The following FER variants were observed in gnomAD, a reference collection of about 807,000 sequenced individuals.
FER encodes tyrosine-protein kinase Fer.
FER carries 63 observed loss-of-function variants against 111.0 expected under a neutral mutation model. The observed-to-expected ratio is 0.57, with a 90% CI of 0.46 to 0.70. The LOEUF is 0.70. Among genes scored for constraint, FER ranks in the 30% least tolerant of loss-of-function variants. The pLI is 0.00. For synonymous variants in FER, 327 were observed against 313.9 expected (o/e 1.04, Z -0.44); for missense variants, 914 against 954.0 (o/e 0.96, Z 0.55).
rs59092426 is a variant in FER at position 109,139,350 on chromosome 5, C to CTT, written c.2048+38848_2048+38849dup. ...TGTCTTTACTTCTCCTTCTTTCTTT[C>CTT]TTTTTTTTTTTTTTTTTTGAGGCAG... On this transcript the variant is annotated intron_variant, in intron 17 of 19. Transcript: ENST00000281092. Among the ~76,000 whole-genome samples, 100 of 91,078 alleles carry CTT rather than the reference C, an allele frequency of 1.1e-3. 2 individuals carry two copies. The highest frequency in any genetic ancestry group is 3.6e-3 in the African/African-American group (81 of 22,696). 59.8% of individuals were successfully genotyped at this position (91,078 alleles called of 152,430 possible). A position where few individuals can be genotyped will look rare whatever the true frequency, so the allele number is the denominator to read the frequency against.
At chr5:109,003,361 C>T (rs1242408899) in intron 13 of FER, among the ~76,000 whole-genome samples, 1 of 152,128 alleles carries the variant, frequency 6.6e-6, no homozygotes, top group African/African-American at 2.4e-5. Context: ...CAGACTATCA[C>T]AAGGACAAAA....
chr5:108,940,185 A>G lies in FER; in HGVS notation c.1237-5945A>G, dbSNP rs534328531. Among the ~76,000 whole-genome samples the G allele has an allele frequency of 2.0e-5, 3 of 152,258 alleles. No homozygotes were observed. In the South Asian group the frequency reaches 6.2e-4, roughly 31 times the overall value. On this transcript the variant is annotated intron_variant, in intron 10 of 19. Coordinates refer to ENST00000281092, the MANE Select transcript of FER (RefSeq NM_005246.4). ...GGAATGTAGCCTTTAACTGTGTAGT[A>G]ATTGACTGTCATAGAAAATGGTAGT...
intron 17 of FER, among the ~76,000 whole-genome samples, chr5:109,152,624 A>G (rs1003336532): frequency 2.6e-5 from 4 of 152,174 alleles, no homozygotes; most frequent in Admixed American, 2.6e-4. Context: ...TATAAAACAA[A>G]TATAATCAGA....
In FER at chr5:108,966,492, A is replaced by G. The variant is rs1056416574; in HGVS notation, c.1656+7145A>G. Among the ~76,000 whole-genome samples, 8 of 150,926 alleles carry G rather than the reference A, an allele frequency of 5.3e-5. No individual in the cohort carries two copies. The South Asian group carries it at 6.3e-4, about 12-fold the overall frequency. ...AACCTCCACCTCCTGGGTTCAAGCA[A>G]TTCTCCTGCCTCAGCCTCCTGAGTA... On this transcript the variant is annotated intron_variant, in intron 13 of 19. Transcript: ENST00000281092.
chr5:108,841,152 C>T (rs1761226241), intron 5 of FER, among the ~76,000 whole-genome samples: 1 of 152,172 alleles, frequency 6.6e-6, no homozygotes, highest in Non-Finnish European at 1.5e-5. Context: ...AAGTCATGAA[C>T]CCTTTAAGGT....
At chr5:108,793,514 C>T (rs554057133) in intron 2 of FER, among the ~76,000 whole-genome samples, 187 of 87,628 alleles carry the variant, frequency 2.1e-3, no homozygotes, top group Middle Eastern at 6.5e-3. Flanking sequence ...TTTTTTTTGG[C>T]GGGGCGGGGG....
At chr5:108,976,056 C>T (rs977198003) in intron 13 of FER, among the ~76,000 whole-genome samples, 1 of 152,016 alleles carries the variant, frequency 6.6e-6, no homozygotes, top group Non-Finnish European at 1.5e-5. Context: ...ATGGGAGTCA[C>T]CAATATGTAG....
intron 8 of FER, among the ~76,000 whole-genome samples, chr5:108,880,245 T>G (rs1481475548): frequency 2.0e-5 from 3 of 152,118 alleles, no homozygotes; most frequent in African/African-American, 7.2e-5. Context: ...AAGGGAAATG[T>G]GCAGGGAAGA....
chr5:108,953,376 C>G (rs1351457059), intron 11 of FER, among the ~76,000 whole-genome samples: 2 of 151,772 alleles, frequency 1.3e-5, no homozygotes, highest in African/African-American at 4.8e-5. Context: ...AATTAAAAGA[C>G]TTAGTTTACC....
At chr5:109,043,006 G>GATC (rs1388100289) in intron 14 of FER, among the ~76,000 whole-genome samples, 3 of 152,172 alleles carry the variant, frequency 2.0e-5, no homozygotes, top group East Asian at 1.9e-4. Flanking sequence ...TTGGAGAAGT[G>GATC]AGGGACTGAA....
Position 109,044,724 on chromosome 5 carries a change from T to C in FER, c.1758T>C (p.Thr586=). 1 of 1,589,424 alleles carries C rather than the reference T, an allele frequency of 6.3e-7. No homozygotes were observed. Among genetic ancestry groups the C allele is most frequent in the East Asian group, 2.3e-5 (1 of 44,158 alleles). Residue 586 remains threonine, a synonymous_variant, in exon 15 of 20, where the codon ACT becomes ACC. Transcript: ENST00000281092. ...EVYKGTLKDK[T]SVAVKTCKED... ...ATAAGGGCACATTAAAGGATAAAAC[T>C]TCTGTTGCTGTTAAAACATGTAAAG...
At chr5:109,029,604 A>C (rs1298968144) in intron 13 of FER, among the ~76,000 whole-genome samples, 2 of 151,844 alleles carry the variant, frequency 1.3e-5, no homozygotes, top group Non-Finnish European at 2.9e-5. Context: ...TACCACATTT[A>C]CTATTTACAG....
chr5:108,992,641 C>T (rs988105688), intron 13 of FER, among the ~76,000 whole-genome samples: 2 of 145,390 alleles, frequency 1.4e-5, no homozygotes. Context: ...CTGACCACCC[C>T]ACCTCCCTCC....
intron 10 of FER, among the ~76,000 whole-genome samples, chr5:108,941,720 A>G (rs1437291558): frequency 6.6e-6 from 1 of 152,196 alleles, no homozygotes; most frequent in Non-Finnish European, 1.5e-5. Flanking sequence ...AAGTTGTATC[A>G]GTGAGATGCT....
chr5:108,995,684 G>T (rs1329041641), intron 13 of FER, among the ~76,000 whole-genome samples: 1 of 152,090 alleles, frequency 6.6e-6, no homozygotes, highest in Non-Finnish European at 1.5e-5. Flanking sequence ...ATTTGGGTTG[G>T]TTCCAAGTCT....
chr5:109,171,739 G>A (rs903609464), intron 17 of FER, among the ~76,000 whole-genome samples: 2 of 152,088 alleles, frequency 1.3e-5, no homozygotes, highest in Admixed American at 6.6e-5. Context: ...AGGAGTAGAC[G>A]CTATTGCCAT....
chr5:108,926,058 T>C (rs1364893536), intron 10 of FER, among the ~76,000 whole-genome samples: 1 of 142,278 alleles, frequency 7.0e-6, no homozygotes, highest in Non-Finnish European at 1.6e-5. Flanking sequence ...ATGATCCTTC[T>C]TTAATATTTT....
chr5:109,069,142 G>T (rs2149989264), intron 16 of FER, among the ~76,000 whole-genome samples: 1 of 151,984 alleles, frequency 6.6e-6, no homozygotes, highest in South Asian at 2.1e-4. Context: ...TAAACCTTTA[G>T]ATTCTAGGGA....
intron 17 of FER, among the ~76,000 whole-genome samples, chr5:109,134,418 A>G (rs1020453891): frequency 2.6e-5 from 4 of 152,220 alleles, no homozygotes; most frequent in African/African-American, 4.8e-5. Flanking sequence ...AAGAGGTTTT[A>G]TAATCTTAAG....
Sources: allele counts gnomAD v4.1 joint callset (sites outside exome capture counted in the v4.1 genomes callset), GRCh38; gene constraint gnomAD v4.1.1; transcripts MANE v1.5; gene names NCBI Gene and HGNC (gene_info 2026-07-23, HGNC 2026-07-21).